TAF4B: variants seen among roughly 807,000 people sequenced by gnomAD.
The protein encoded by TAF4B is transcription initiation factor TFIID subunit 4B.
A neutral mutation model predicts 86.4 loss-of-function variants in TAF4B; 38 were observed. The ratio of observed to expected loss-of-function variants is 0.44; its 90% CI spans 0.34 to 0.58. TAF4B has a LOEUF of 0.58. Ranked by LOEUF, TAF4B falls within the 20% of genes least tolerant of loss-of-function variation. The probability of loss-of-function intolerance (pLI) is 0.02; values close to 1 mark genes in which losing one functional copy is unlikely to be tolerated. For missense variants in TAF4B, 988 were observed against 1,027.6 expected (o/e 0.96, Z 0.53); for synonymous variants, 388 against 391.2 (o/e 0.99, Z 0.10).
chr18:26,258,864 A>ATTT (rs369237752), intron 1 of TAF4B, among the ~76,000 whole-genome samples: 1 of 134,650 alleles, frequency 7.4e-6, no homozygotes, highest in African/African-American at 2.7e-5. Flanking sequence ...GCTACTTTTA[A>ATTT]TTTTTTTTTT....
chr18:26,313,207 TC>T (rs975209760), intron 9 of TAF4B, among the ~76,000 whole-genome samples: 48 of 152,288 alleles, frequency 3.2e-4, no homozygotes, highest in African/African-American at 1.2e-3. Context: ...GGAAACTGAG[TC>T]CCAGAGATGT....
chr18:26,234,312 C>T (rs1196350957), intron 1 of TAF4B, among the ~76,000 whole-genome samples: 1 of 152,210 alleles, frequency 6.6e-6, no homozygotes, highest in Non-Finnish European at 1.5e-5. Flanking sequence ...CAGTGTAAGA[C>T]TGCCACCTCC....
At chr18:26,366,994 A>G (rs2057376205) in intron 14 of TAF4B, among the ~76,000 whole-genome samples, 2 of 152,174 alleles carry the variant, frequency 1.3e-5, no homozygotes, top group African/African-American at 4.8e-5. Flanking sequence ...TTGCTTCCCC[A>G]AAGTTCTATA....
At chr18:26,380,111 A>G (rs1412789875) in intron 14 of TAF4B, among the ~76,000 whole-genome samples, 1 of 152,086 alleles carries the variant, frequency 6.6e-6, no homozygotes, top group African/African-American at 2.4e-5. Context: ...AAATAAGAGT[A>G]CTTCTTCCTT....
At chr18:26,308,039 G>A (rs1437878686) in intron 9 of TAF4B, among the ~76,000 whole-genome samples, 2 of 152,094 alleles carry the variant, frequency 1.3e-5, no homozygotes, top group African/African-American at 2.4e-5. Flanking sequence ...AACCTGGGAG[G>A]CAGAGGTTGC....
rs1381108027 is a variant in TAF4B at position 26,346,815 on chromosome 18, A to G, written c.2317-10875A>G. Among the ~76,000 whole-genome samples, 66 of 20,768 alleles carry G rather than the reference A, an allele frequency of 3.2e-3. 8 individuals are homozygous for G. Among genetic ancestry groups the G allele is most frequent in the East Asian group, 4.3e-3 (1 of 234 alleles). 13.6% of individuals were successfully genotyped at this position (20,768 alleles called of 152,430 possible). ...TATATATATGTGTATATATATATATATGTGTGTGTATATATATATATGTGT... is the reference window on the plus strand; with the variant it reads ...TATATATATGTGTATATATATATATGTGTGTGTGTATATATATATATGTGT... On this transcript the variant is annotated intron_variant, in intron 13 of 14. Coordinates refer to ENST00000269142, the MANE Select transcript of TAF4B (RefSeq NM_005640.3).
chr18:26,346,803 A>ATATATATATATGTGTG (rs1740972777), intron 13 of TAF4B, among the ~76,000 whole-genome samples: 3 of 17,912 alleles, frequency 1.7e-4, no homozygotes, highest in Non-Finnish European at 3.6e-4. Context: ...ATATATGTGT[A>ATATATATATATGTGTG]TATATATATA....
At chr18:26,357,082 A>G (rs1221422496) in intron 13 of TAF4B, among the ~76,000 whole-genome samples, 1 of 152,156 alleles carries the variant, frequency 6.6e-6, no homozygotes, top group East Asian at 1.9e-4. Flanking sequence ...GAGGTTTTTA[A>G]TGAGAGCATT....
intron 1 of TAF4B, among the ~76,000 whole-genome samples, chr18:26,260,268 A>G (rs2056145370): frequency 6.6e-6 from 1 of 152,170 alleles, no homozygotes. Context: ...TTTGCTGTGC[A>G]GAAGCTCTTT....
Position 26,227,219 on chromosome 18 carries a change from G to A in TAF4B, c.286G>A (p.Val96Met), listed in dbSNP as rs973861788. The change falls in exon 1 of 15, where the codon GTG (valine) becomes ATG (methionine). Residue 96 changes from valine (V) to methionine (M), a missense_variant. Coordinates refer to ENST00000269142, the MANE Select transcript of TAF4B (RefSeq NM_005640.3). Reference sequence around the variant, plus strand: ...GCTGCCTGCTCCTCAGATAGTCGCCGTGAAAGCCCCCAACACCACGACAAT... The same window carrying A: ...GCTGCCTGCTCCTCAGATAGTCGCCATGAAAGCCCCCAACACCACGACAAT... The part of the protein sequence containing the change: ...PRLPAPQIVA[V>M]KAPNTTTIQF... The A allele has an allele frequency of 2.5e-6, 4 of 1,613,682 alleles. No individual in the cohort carries two copies. In the African/African-American group the frequency reaches 5.3e-5, roughly 22 times the overall value.
chr18:26,237,924 T>A (rs955961131), intron 1 of TAF4B, among the ~76,000 whole-genome samples: 1 of 152,058 alleles, frequency 6.6e-6, no homozygotes, highest in Non-Finnish European at 1.5e-5. Flanking sequence ...GCGTTTCCCA[T>A]CAGAAAAGAG....
At chr18:26,328,247 G>A (rs889332294) in intron 12 of TAF4B, among the ~76,000 whole-genome samples, 1 of 152,078 alleles carries the variant, frequency 6.6e-6, no homozygotes, top group Admixed American at 6.6e-5. Flanking sequence ...TCAGGAGATC[G>A]AGACTATCCT....
In TAF4B at chr18:26,274,953, A is replaced by G. The variant is rs776468233; in HGVS notation, c.782A>G (p.Lys261Arg). 6.2e-7 allele frequency: 1 copy of G among 1,613,604 alleles called. No individual in the cohort carries two copies. The highest frequency in any genetic ancestry group is 8.5e-7 in the Non-Finnish European group (1 of 1,179,840). ...LSPTMLENVK[K>R]CKNFLAMLIK... ...TAGACAATGCTAGAAAATGTGAAGA[A>G]ATGCAAGAACTTCCTTGCAATGTTA... Residue 261 changes from lysine to arginine, a missense_variant, in exon 5 of 15, where the codon AAA becomes AGA. Lys to Arg is a conservative substitution (Grantham distance 26). Around this residue, in one of 3 missense-constraint regions of TAF4B, gnomAD observed 747 missense variants for 737.9 expected, o/e 1.01. Transcript: ENST00000269142.
intron 10 of TAF4B, among the ~76,000 whole-genome samples, chr18:26,319,726 A>G (rs1275661547): frequency 6.6e-6 from 1 of 151,446 alleles, no homozygotes; most frequent in Non-Finnish European, 1.5e-5. Flanking sequence ...TGTAGCTCGG[A>G]TTACAGGCAT....
intron 3 of TAF4B, 133 bp from the exon 4 acceptor site, chr18:26,274,530 A>G (rs534153686): frequency 1.8e-5 from 16 of 911,848 alleles, no homozygotes; most frequent in Middle Eastern, 3.0e-4. Flanking sequence ...ACTGTATTAT[A>G]TTGCCTTAGA....
At chr18:26,340,400 A>C (rs1386755545) in intron 13 of TAF4B, among the ~76,000 whole-genome samples, 2 of 152,228 alleles carry the variant, frequency 1.3e-5, no homozygotes, top group African/African-American at 4.8e-5. Context: ...GGACAGGGAC[A>C]AATGAAACTT....
intron 9 of TAF4B, among the ~76,000 whole-genome samples, chr18:26,294,675 A>G (rs929213736): frequency 7.4e-5 from 11 of 149,614 alleles, no homozygotes; most frequent in African/African-American, 2.4e-4. Flanking sequence ...GAATATTTAT[A>G]TTAAAAATAT....
chr18:26,252,547 A>G (rs529205468), intron 1 of TAF4B, among the ~76,000 whole-genome samples: 8 of 152,192 alleles, frequency 5.3e-5, no homozygotes, highest in African/African-American at 1.9e-4. Context: ...TGCCATTCTG[A>G]GTATCGTGAT....
Position 26,391,057 on chromosome 18 carries a change from TGATG to T in TAF4B, c.*1046_*1049del, listed in dbSNP as rs1978679003. The T allele has an allele frequency of 2.0e-5, 3 of 152,188 alleles. No homozygotes were observed. The highest frequency in any genetic ancestry group is 6.5e-5 in the Admixed American group (1 of 15,278). The allele number at this position is 152,188 out of a possible 1,614,324, so 9.4% of individuals were successfully genotyped here. A position where few individuals can be genotyped will look rare whatever the true frequency, so the allele number is the denominator to read the frequency against. ...GGCACATTTAAAAAATCCTAATTGA[TGATG>T]AGAAATTTTTAACAATAGGACTTTA... On this transcript the variant is annotated 3_prime_UTR_variant, in exon 15 of 15. Transcript: ENST00000269142.
Sources: gnomAD v4.1 joint callset for allele counts (sites outside exome capture counted in the v4.1 genomes callset) on GRCh38, gnomAD v4.1.1 for gene constraint, gnomAD v4.1.1 regional missense constraint, MANE v1.5 for transcripts, NCBI Gene and HGNC (gene_info 2026-07-23, HGNC 2026-07-21) for gene names.